Variants in KRT72 observed in about 807,000 individuals in gnomAD.
KRT72 encodes the protein keratin, type II cytoskeletal 72.
KRT72 carries 44 observed loss-of-function variants against 44.7 expected under a neutral mutation model. The observed-to-expected ratio is 0.98, with a 90% CI of 0.77 to 1.27. The LOEUF (loss-of-function observed/expected upper bound fraction) is 1.27, where lower values mean the gene tolerates loss of function less well. KRT72 is among the 50% of genes most tolerant of loss of function. KRT72 has a pLI of 0.00. For missense variants in KRT72, 736 were observed against 667.1 expected (o/e 1.10, Z -1.14); for synonymous variants, 302 against 280.4 (o/e 1.08, Z -0.77).
At position 52,591,326 on chromosome 12, in the gene KRT72, T is replaced by C. The variant is rs139230420; in HGVS notation, c.963+138A>G. 8.0e-4 allele frequency: 738 copies of C among 920,062 alleles called. 4 individuals are homozygous for C. The African/African-American group carries it at 0.011, about 14-fold the overall frequency. 57.0% of individuals were successfully genotyped at this position (920,062 alleles called of 1,614,324 possible). Reference sequence around the variant, plus strand: ...GGGTGGCATTTCCGCAAGGCCCAACTTCAAGACAAAGGAGGTCTTGACTGA... The same window carrying C: ...GGGTGGCATTTCCGCAAGGCCCAACCTCAAGACAAAGGAGGTCTTGACTGA... On this transcript the variant is annotated intron_variant, in intron 5 of 8. Transcript: ENST00000293745.
intron 1 of KRT72, chr12:52,599,389 T>C: frequency 1.9e-6 from 1 of 526,588 alleles, no homozygotes; most frequent in Non-Finnish European, 3.7e-6. Flanking sequence ...TAGCTTCTCA[T>C]GCTATAAATG....
At chr12:52,590,500 G>A (rs1939960032) in intron 6 of KRT72, among the ~76,000 whole-genome samples, 2 of 152,210 alleles carry the variant, frequency 1.3e-5, no homozygotes, top group South Asian at 4.1e-4. Context: ...GCCCCAGATA[G>A]GCAAGCCCAC....
intron 1 of KRT72, chr12:52,599,457 T>A: frequency 2.1e-6 from 1 of 468,654 alleles, no homozygotes; most frequent in Non-Finnish European, 4.2e-6. Context: ...GACTGGGGAG[T>A]GACATTGGAA....
rs1477818711 is a variant in KRT72 at position 52,590,889 on chromosome 12, G to T, written c.1036C>A (p.Leu346Ile). ...CGGATCCTCTGGATCAGGCGGTTGA[G>T]CTCAGAGATTTCAGCCTTGGTGAGC... ...LKLTKAEISELNRLIQRIRSE... is the reference protein window; with the variant it reads ...LKLTKAEISEINRLIQRIRSE... Residue 346 changes from leucine (L) to isoleucine (I), a missense_variant, in exon 6 of 9, where the codon CTC becomes ATC. Transcript: ENST00000293745. 13 of 1,607,082 alleles carry T rather than the reference G, an allele frequency of 8.1e-6. No homozygotes were observed. The highest frequency in any genetic ancestry group is 1.0e-5 in the Non-Finnish European group (12 of 1,174,874).
intron 2 of KRT72, among the ~76,000 whole-genome samples, chr12:52,594,418 A>G (rs1192353574): frequency 6.6e-6 from 1 of 150,504 alleles, no homozygotes; most frequent in Non-Finnish European, 1.5e-5. Flanking sequence ...ACCATGGAAT[A>G]CTATGCAGCC....
Position 52,586,993 on chromosome 12 carries a change from A to T in KRT72, c.1311-13T>A. The stretch of plus-strand genomic sequence containing the variant: ...TTCGCCAGACATCCTGAAGAAGGAG[A>T]AGAAAAACAGGTAAATCCCCCATAA... On this transcript the variant is annotated splice_polypyrimidine_tract_variant and intron_variant, in intron 7 of 8. Transcript: ENST00000293745. 6.2e-7 allele frequency: 1 copy of T among 1,613,272 alleles called. No individual in the cohort carries two copies. Among genetic ancestry groups the T allele is most frequent in the East Asian group, 2.2e-5 (1 of 44,876 alleles).
At chr12:52,598,435 G>T (rs988953510) in intron 2 of KRT72, among the ~76,000 whole-genome samples, 1 of 152,144 alleles carries the variant, frequency 6.6e-6, no homozygotes, top group African/African-American at 2.4e-5. Context: ...ACAACCTCTG[G>T]TTCCATCTCA....
chr12:52,600,859 G>A (rs1170633107), intron 1 of KRT72, among the ~76,000 whole-genome samples, 168 bp downstream of exon 1: 2 of 152,010 alleles, frequency 1.3e-5, no homozygotes, highest in East Asian at 1.9e-4. Context: ...AAGCCTCATC[G>A]CAACCCACTG....
intron 5 of KRT72, 27 bp from the exon 6 acceptor site, chr12:52,590,988 A>G: frequency 6.4e-7 from 1 of 1,567,344 alleles, no homozygotes; most frequent in Non-Finnish European, 8.7e-7. Context: ...AGAGAAGAGG[A>G]ACACAAGGAT....
In KRT72 at chr12:52,587,810, C is replaced by G. The variant is rs1003341263; in HGVS notation, c.1131G>C (p.Arg377=). ...GGGCATCTTTCAGGGCGCAGTCCCC[C>G]CGCTGTTCAGCGTCGGCGATGGCCG... is the stretch of plus-strand genomic sequence containing the variant. ...LETAIADAEQ[R]GDCALKDARA... is the part of the protein sequence containing the mutation. The change falls in exon 7 of 9, where the codon CGG becomes CGC. Residue 377 remains arginine, a synonymous_variant. Transcript: ENST00000293745. 1.9e-6 allele frequency: 3 copies of G among 1,614,224 alleles called. No individual in the cohort carries two copies. Among genetic ancestry groups the G allele is most frequent in the Non-Finnish European group, 1.7e-6 (2 of 1,180,042 alleles).
chr12:52,598,231 A>G (rs1295006332), intron 2 of KRT72, among the ~76,000 whole-genome samples: 1 of 152,216 alleles, frequency 6.6e-6, no homozygotes, highest in East Asian at 1.9e-4. Context: ...GAATTTCAGA[A>G]TAGGGATGGG....
chr12:52,590,760 C>A, intron 6 of KRT72, 76 bp downstream of exon 6: 3 of 1,421,696 alleles, frequency 2.1e-6, no homozygotes, highest in South Asian at 3.2e-5. Flanking sequence ...CTGTGTTTTA[C>A]CCTTTCTTCA....
chr12:52,589,925 C>T (rs891431657), intron 6 of KRT72, among the ~76,000 whole-genome samples: 12 of 152,288 alleles, frequency 7.9e-5, no homozygotes, highest in African/African-American at 2.9e-4. Flanking sequence ...TAAACAAAAA[C>T]AACTTAAGTT....
intron 2 of KRT72, among the ~76,000 whole-genome samples, chr12:52,596,399 T>C (rs1019684326): frequency 6.6e-6 from 1 of 152,200 alleles, no homozygotes; most frequent in Non-Finnish European, 1.5e-5. Context: ...ATTCAACTCA[T>C]TAGGAAAAGT....
intron 6 of KRT72, 21 bp downstream of exon 6, chr12:52,590,815 G>A: frequency 1.3e-6 from 2 of 1,559,360 alleles, no homozygotes; most frequent in South Asian, 1.2e-5. Context: ...ACTGTTAGTG[G>A]ATTAATTTCA....
intron 2 of KRT72, among the ~76,000 whole-genome samples, chr12:52,596,121 C>A (rs1476208403): frequency 6.6e-6 from 1 of 152,104 alleles, no homozygotes; most frequent in East Asian, 1.9e-4. Context: ...ATAACAAACA[C>A]AACAAATAAG....
rs1477818711 is a variant in KRT72, at chr12:52,590,889, G to A, written c.1036C>T (p.Leu346Phe). ...CGGATCCTCTGGATCAGGCGGTTGA[G>A]CTCAGAGATTTCAGCCTTGGTGAGC... ...LKLTKAEISE[L>F]NRLIQRIRSE... is the part of the protein sequence containing the mutation. The change falls in exon 6 of 9, where the codon CTC becomes TTC. Residue 346 changes from leucine to phenylalanine, a missense_variant. Leu to Phe is a conservative substitution (Grantham distance 22). Transcript: ENST00000293745. 2 of 1,607,082 alleles carry A rather than the reference G, an allele frequency of 1.2e-6. No individual in the cohort carries two copies. The highest frequency in any genetic ancestry group is 2.7e-5 in the African/African-American group (2 of 74,852).
chr12:52,587,938 T>C (rs1939846654), intron 6 of KRT72, 87 bp from the exon 7 acceptor site: 1 of 1,278,594 alleles, frequency 7.8e-7, no homozygotes, highest in Admixed American at 2.2e-5. Flanking sequence ...TTGTCCTGAC[T>C]GATGGCAACT....
intron 1 of KRT72, chr12:52,599,383 T>G: frequency 1.8e-6 from 1 of 541,828 alleles, no homozygotes; most frequent in Non-Finnish European, 3.5e-6. Context: ...CAGAGGTAGC[T>G]TCTCATGCTA....
Sources: allele counts gnomAD v4.1 joint callset (sites outside exome capture counted in the v4.1 genomes callset), GRCh38; gene constraint gnomAD v4.1.1; transcripts MANE v1.5; gene names NCBI Gene and HGNC (gene_info 2026-07-23, HGNC 2026-07-21).